Variants in SH3BP4 observed in about 807,000 individuals in gnomAD.
The protein encoded by SH3BP4 is SH3 domain binding protein 4, also known as SH3 domain-binding protein 4.
A neutral mutation model predicts 65.5 loss-of-function variants in SH3BP4; 33 were observed. The ratio of observed to expected loss-of-function variants is 0.50; its 90% CI spans 0.38 to 0.67. The LOEUF is 0.67. Ranked by LOEUF, SH3BP4 falls within the 30% of genes least tolerant of loss-of-function variation. The pLI, the probability that SH3BP4 is intolerant of heterozygous loss-of-function variation, is 0.00. For synonymous variants in SH3BP4, 552 were observed against 545.5 expected, an observed-to-expected ratio of 1.01 and a Z score of -0.17; for missense variants, 1,134 against 1,261.4, an observed-to-expected ratio of 0.90 and a Z score of 1.53.
chr2:235,044,151 C>T (rs1574847848), intron 4 of SH3BP4, among the ~76,000 whole-genome samples: 1 of 152,322 alleles, frequency 6.6e-6, no homozygotes, highest in Middle Eastern at 3.4e-3. Context: ...TTCCTTGAAG[C>T]TTCTAACATC....
chr2:235,002,324 T>C (rs147861129), intron 2 of SH3BP4, among the ~76,000 whole-genome samples: 311 of 152,352 alleles, frequency 2.0e-3, no homozygotes, highest in African/African-American at 7.1e-3. Context: ...CCAAGCTGTC[T>C]TGGGTTTGTT....
intron 2 of SH3BP4, among the ~76,000 whole-genome samples, chr2:235,000,062 C>T (rs929433147): frequency 7.2e-5 from 11 of 152,238 alleles, no homozygotes; most frequent in Admixed American, 2.0e-4. Context: ...ACTGATCCAT[C>T]TGGAGAGGGG....
chr2:235,033,702 C>T lies in SH3BP4; in HGVS notation c.-132-1169C>T, dbSNP rs1695275327. Among the ~76,000 whole-genome samples, 3 of 152,186 alleles carry T rather than the reference C, an allele frequency of 2.0e-5. No individual in the cohort carries two copies. The highest frequency in any genetic ancestry group is 7.2e-5 in the African/African-American group (3 of 41,446). ...ATGTGGACACACGCCTTGCTCTGCT[C>T]ACTGCACAGGGGCTCTCCAAGCCAT... On this transcript the variant is annotated intron_variant, in intron 2 of 5. Coordinates refer to ENST00000392011, the MANE Select transcript of SH3BP4 (RefSeq NM_014521.3). This position sits in a 1 kb window ranked among gnomAD's most constrained non-coding sequence, Gnocchi z 5.7.
rs760621038 is a variant in SH3BP4, at chr2:235,042,141, C to T, written c.1372C>T (p.Pro458Ser). 2 of 1,613,830 alleles carry T rather than the reference C, an allele frequency of 1.2e-6. No individual in the cohort carries two copies. The highest frequency in any genetic ancestry group is 2.2e-5 in the East Asian group (1 of 44,878). The change falls in exon 4 of 6, where the codon CCA becomes TCA. Residue 458 changes from proline (P) to serine (S), a missense_variant. Coordinates refer to ENST00000392011, the MANE Select transcript of SH3BP4 (RefSeq NM_014521.3). The surrounding 1 kb of genome is among the most constrained non-coding windows in gnomAD (Gnocchi z 7.3). ...CMYVAVVAHG[P>S]SILYPSTVWD... ...GTACGTGGCTGTCGTGGCCCATGGC[C>T]CAAGCATCCTCTACCCTTCCACCGT...
intron 2 of SH3BP4, among the ~76,000 whole-genome samples, chr2:235,001,976 T>C (rs1328947361): frequency 6.6e-6 from 1 of 152,204 alleles, no homozygotes. Context: ...TTCTCCTGCC[T>C]CAGACTCCAG....
In SH3BP4 at chr2:235,026,259, C is replaced by G. The variant is rs1036144291; in HGVS notation, c.-132-8612C>G. Among the ~76,000 whole-genome samples, 2 of 152,264 alleles carry G rather than the reference C, an allele frequency of 1.3e-5. No homozygotes were observed. Among genetic ancestry groups the G allele is most frequent in the African/African-American group, 4.8e-5 (2 of 41,550 alleles). ...CGGGGGATCCCCAGCCTCAGATGTT[C>G]TCAGTCTGGCCAGTGAAAACATCTG... On this transcript the variant is annotated intron_variant, in intron 2 of 5. Transcript: ENST00000392011. This position sits in a 1 kb window ranked among gnomAD's most constrained non-coding sequence, Gnocchi z 4.6.
chr2:235,015,478 C>T (rs1044153049), intron 2 of SH3BP4, among the ~76,000 whole-genome samples: 17 of 152,178 alleles, frequency 1.1e-4, no homozygotes, highest in South Asian at 4.1e-4. Context: ...CAGAGGTCAG[C>T]GACTTCCCCA....
intron 1 of SH3BP4, among the ~76,000 whole-genome samples, chr2:234,970,139 T>A (rs114572783): frequency 0.013 from 1,973 of 152,072 alleles, 46 homozygotes; most frequent in African/African-American, 0.045. Flanking sequence ...ACACACACAC[T>A]CTCACACTCA....
chr2:234,984,678 C>T (rs987679543), intron 1 of SH3BP4, among the ~76,000 whole-genome samples: 1 of 152,154 alleles, frequency 6.6e-6, no homozygotes, highest in Non-Finnish European at 1.5e-5. Context: ...GGACCAGAAC[C>T]GACCGAGTCC....
At chr2:235,008,901 G>T (rs747382234) in intron 2 of SH3BP4, among the ~76,000 whole-genome samples, 1 of 152,154 alleles carries the variant, frequency 6.6e-6, no homozygotes, top group African/African-American at 2.4e-5. Flanking sequence ...GCCTGTTTTT[G>T]TCTGACTGTC....
At chr2:234,964,880 G>T (rs896490448) in intron 1 of SH3BP4, among the ~76,000 whole-genome samples, 1 of 152,074 alleles carries the variant, frequency 6.6e-6, no homozygotes, top group East Asian at 1.9e-4. Context: ...GGCACAGGGG[G>T]TGACCCATCC....
In SH3BP4 at chr2:234,977,029, C is replaced by T. The variant is rs1693188225; in HGVS notation, c.-206-18274C>T. Among the ~76,000 whole-genome samples the T allele has an allele frequency of 6.6e-6, 1 of 152,256 alleles. No homozygotes were observed. Among genetic ancestry groups the T allele is most frequent in the South Asian group, 2.1e-4 (1 of 4,838 alleles). ...AAAGGTGCCGTCCTCCTGTAAGACA[C>T]TCACAGGGAAGCCGGGTGGCGGGAG... On this transcript the variant is annotated intron_variant, in intron 1 of 5. Transcript: ENST00000392011. This position sits in a 1 kb window ranked among gnomAD's most constrained non-coding sequence, Gnocchi z 5.1.
intron 2 of SH3BP4, among the ~76,000 whole-genome samples, chr2:235,010,493 A>G (rs1047985807): frequency 7.2e-5 from 11 of 152,216 alleles, no homozygotes; most frequent in Non-Finnish European, 1.0e-4. Context: ...TATCTGTCTC[A>G]TAGGGCACTT....
At chr2:235,001,953 C>T (rs2081787) in intron 2 of SH3BP4, among the ~76,000 whole-genome samples, 35,701 of 152,090 alleles carry the variant, frequency 0.23, 7,220 homozygotes, top group African/African-American at 0.53. Context: ...CTCCGCCTCC[C>T]GGGTTCAAGT....
In SH3BP4 at chr2:235,042,839, G is replaced by A. The variant is rs1196481859; in HGVS notation, c.2070G>A (p.Arg690=). The A allele has an allele frequency of 1.9e-6, 3 of 1,613,814 alleles. No homozygotes were observed. Among genetic ancestry groups the A allele is most frequent in the Non-Finnish European group, 2.5e-6 (3 of 1,180,036 alleles). The change falls in exon 4 of 6, where the codon CGG becomes CGA. Residue 690 remains arginine (R), a synonymous_variant. Coordinates refer to ENST00000392011, the MANE Select transcript of SH3BP4 (RefSeq NM_014521.3). The surrounding 1 kb of genome is among the most constrained non-coding windows in gnomAD (Gnocchi z 7.3). The stretch of plus-strand genomic sequence containing the variant: ...GGATCGCCCTGCTCAGCGAGGAGCG[G>A]GTCAGGCTCCGGGGCCAGCTGTGGA... ...GDGIALLSEE[R]VRLRGQLWTK... is the part of the protein sequence containing the mutation.
chr2:234,985,207 C>T (rs1693509093), intron 1 of SH3BP4, among the ~76,000 whole-genome samples: 1 of 151,976 alleles, frequency 6.6e-6, no homozygotes, highest in Non-Finnish European at 1.5e-5. Flanking sequence ...CTATAGCTGG[C>T]CTTCACTTCC....
rs1023213970 is a variant in SH3BP4 at position 235,041,953 on chromosome 2, T to C, written c.1184T>C (p.Met395Thr). ...LEVKTSIILE[M>T]KVSAEIKNDL... ...GTGAAAACCTCTATCATCTTGGAGA[T>C]GAAAGTGTCAGCCGAGATAAAAAAT... is the stretch of plus-strand genomic sequence containing the variant. Residue 395 changes from methionine to threonine, a missense_variant, in exon 4 of 6, where the codon ATG becomes ACG. Physicochemically the swap from Met to Thr is moderately conservative, Grantham distance 81 (BLOSUM62 -1). Transcript: ENST00000392011. The surrounding 1 kb of genome is among the most constrained non-coding windows in gnomAD (Gnocchi z 6.0). 1 of 1,613,290 alleles carries C rather than the reference T, an allele frequency of 6.2e-7. No homozygotes were observed. Among genetic ancestry groups the C allele is most frequent in the African/African-American group, 1.3e-5 (1 of 74,866 alleles).
rs1692882020 is a variant in SH3BP4 at position 234,967,951 on chromosome 2, C to T, written c.-207+15781C>T. Among the ~76,000 whole-genome samples the T allele has an allele frequency of 6.6e-6, 1 of 152,112 alleles. No individual in the cohort carries two copies. The highest frequency in any genetic ancestry group is 1.5e-5 in the Non-Finnish European group (1 of 68,022). On this transcript the variant is annotated intron_variant, in intron 1 of 5. Coordinates refer to ENST00000392011, the MANE Select transcript of SH3BP4 (RefSeq NM_014521.3). The surrounding 1 kb of genome is among the most constrained non-coding windows in gnomAD (Gnocchi z 4.6). The stretch of plus-strand genomic sequence containing the variant: ...AAGAGTTAGTGCAGGACCGGAAGCT[C>T]CCACCCAGATGGTGAAGGCACCTGC...
chr2:235,013,238 C>T (rs1326081325), intron 2 of SH3BP4, among the ~76,000 whole-genome samples: 1 of 152,190 alleles, frequency 6.6e-6, no homozygotes, highest in Non-Finnish European at 1.5e-5. Flanking sequence ...GTGGCTTTCT[C>T]CCTGGCCTGT....
Sources: gnomAD v4.1 joint callset for allele counts (sites outside exome capture counted in the v4.1 genomes callset) on GRCh38, gnomAD v4.1.1 for gene constraint, Gnocchi (gnomAD v3.1) non-coding constraint, MANE v1.5 for transcripts, NCBI Gene and HGNC (gene_info 2026-07-23, HGNC 2026-07-21) for gene names.